Variants in SHISA9 observed in about 807,000 individuals in gnomAD.
SHISA9 encodes shisa family member 9.
SHISA9 carries 13 observed loss-of-function variants against 38.0 expected under a neutral mutation model. The observed-to-expected ratio is 0.34, with a 90% confidence interval of 0.22 to 0.54. The LOEUF (loss-of-function observed/expected upper bound fraction) is 0.54. SHISA9 is among the 20% of genes least tolerant of loss of function. The pLI, the probability that SHISA9 is intolerant of heterozygous loss-of-function variation, is 0.91. For synonymous variants in SHISA9, 275 were observed against 242.0 expected (o/e 1.14, Z -1.27); for missense variants, 538 against 575.8 (o/e 0.93, Z 0.67).
the SHISA9 span, among the ~76,000 whole-genome samples, chr16:13,308,872 G>C: frequency 6.6e-6 from 1 of 152,170 alleles, no homozygotes; most frequent in African/African-American, 2.4e-5. Context: ...TGTGGCACAG[G>C]AGCCTCCATA....
intron 4 of SHISA9, among the ~76,000 whole-genome samples, chr16:13,233,369 G>A (rs1462387243): frequency 2.6e-5 from 4 of 152,124 alleles, no homozygotes; most frequent in Admixed American, 2.0e-4. Flanking sequence ...TAAATTGAGT[G>A]GAAATTGGTA....
intron 2 of SHISA9, among the ~76,000 whole-genome samples, chr16:13,108,996 G>C (rs1458023024): frequency 6.6e-6 from 1 of 152,170 alleles, no homozygotes; most frequent in East Asian, 1.9e-4. Context: ...GATGATTCAG[G>C]GTGGCTGCTT....
chr16:13,403,826 T>G, the SHISA9 span, among the ~76,000 whole-genome samples: 4 of 152,198 alleles, frequency 2.6e-5, no homozygotes, highest in African/African-American at 7.2e-5. Context: ...TGGTACCAGC[T>G]GGCTATGGAT....
rs191869736 is a variant in SHISA9, at chr16:12,980,692, G to A, written c.691+63877G>A. 9.9e-5 allele frequency among the ~76,000 whole-genome samples: 15 copies of A among 150,990 alleles called. No homozygotes were observed. In the East Asian group the frequency reaches 2.3e-3, roughly 24 times the overall value. On this transcript the variant is annotated intron_variant, in intron 2 of 4. Coordinates refer to ENST00000558583, the MANE Select transcript of SHISA9 (RefSeq NM_001145204.3). Reference sequence around the variant, plus strand: ...TTTCTGGGAGTCTTATTATTTTGACGTTAGTGTTTCTCTTCTATACTCCAT... The same window carrying A: ...TTTCTGGGAGTCTTATTATTTTGACATTAGTGTTTCTCTTCTATACTCCAT...
At chr16:13,416,021 A>T in the SHISA9 span, among the ~76,000 whole-genome samples, 6 of 152,190 alleles carry the variant, frequency 3.9e-5, no homozygotes, top group Non-Finnish European at 8.8e-5. Context: ...GGCATTGGTG[A>T]TGCTCTTTTA....
chr16:13,090,483 C>G (rs1438076650), intron 2 of SHISA9, among the ~76,000 whole-genome samples: 1 of 152,164 alleles, frequency 6.6e-6, no homozygotes, highest in Non-Finnish European at 1.5e-5. Context: ...AATCTGGGTG[C>G]TCCTGTATTG....
chr16:13,235,044 G>A lies in SHISA9; in HGVS notation c.910G>A (p.Asp304Asn). 2 of 1,546,326 alleles carry A rather than the reference G, an allele frequency of 1.3e-6. No individual in the cohort carries two copies. Among genetic ancestry groups the A allele is most frequent in the Non-Finnish European group, 1.7e-6 (2 of 1,143,590 alleles). ...CCGATGTGTAGCTGACAAGGTCAATGACGACTTCTACACCAAGCGACGGCA... is the reference window on the plus strand; with the variant it reads ...CCGATGTGTAGCTGACAAGGTCAATAACGACTTCTACACCAAGCGACGGCA... Reference protein sequence around the residue: ...LKSPKADKVNDDFYTKRRHLA... With the variant: ...LKSPKADKVNNDFYTKRRHLA... Residue 304 changes from aspartate (D) to asparagine (N), a missense_variant, in exon 5 of 5, where the codon GAC becomes AAC. This residue lies in a region of SHISA9 where 326 missense variants were observed against 305.9 expected (regional missense o/e 1.07). Transcript: ENST00000558583.
intron 2 of SHISA9, among the ~76,000 whole-genome samples, chr16:12,999,702 T>C (rs2072500732): frequency 6.6e-6 from 1 of 151,986 alleles, no homozygotes; most frequent in Admixed American, 6.6e-5. Flanking sequence ...GGCACCAGGG[T>C]GAGTTTATGG....
At chr16:13,302,972 C>T in the SHISA9 span, among the ~76,000 whole-genome samples, 1 of 152,174 alleles carries the variant, frequency 6.6e-6, no homozygotes, top group Non-Finnish European at 1.5e-5. Context: ...TTTCCTGAGG[C>T]CTCCCCAGCC....
chr16:13,080,684 T>C (rs1157266796), intron 2 of SHISA9, among the ~76,000 whole-genome samples: 1 of 152,236 alleles, frequency 6.6e-6, no homozygotes, highest in Non-Finnish European at 1.5e-5. Context: ...TAGTGAATAA[T>C]GCTTTGCAGT....
the SHISA9 span, among the ~76,000 whole-genome samples, chr16:13,313,254 CA>C: frequency 0.049 from 2,421 of 49,636 alleles, 43 homozygotes; most frequent in African/African-American, 0.14. Context: ...GACTCCGTCT[CA>C]AAAAAAAAAA....
intron 2 of SHISA9, among the ~76,000 whole-genome samples, chr16:13,113,241 C>T (rs764060606): frequency 7.0e-5 from 10 of 143,146 alleles, no homozygotes; most frequent in Non-Finnish European, 1.4e-4. Flanking sequence ...AAATTGAGAA[C>T]ATCTTCCTGG....
At chr16:13,539,345 AG>A in the SHISA9 span, among the ~76,000 whole-genome samples, 3 of 34,452 alleles carry the variant, frequency 8.7e-5, no homozygotes, top group South Asian at 6.7e-3. Context: ...ATATATATAA[AG>A]ATATATATAT....
chr16:13,466,288 T>C, the SHISA9 span, among the ~76,000 whole-genome samples: 3 of 152,216 alleles, frequency 2.0e-5, no homozygotes, highest in Admixed American at 6.5e-5. Flanking sequence ...CTGGCTGGGA[T>C]GATTGATCTG....
the SHISA9 span, among the ~76,000 whole-genome samples, chr16:13,398,648 T>C: frequency 4.6e-5 from 7 of 151,912 alleles, no homozygotes; most frequent in Non-Finnish European, 7.4e-5. Context: ...GTAGCTGGAA[T>C]TACAAGCACC....
the SHISA9 span, among the ~76,000 whole-genome samples, chr16:13,475,995 C>T: frequency 3.9e-5 from 6 of 152,152 alleles, no homozygotes; most frequent in Non-Finnish European, 7.3e-5. Context: ...GCTTTGCTTG[C>T]CCACTGCTCA....
At position 13,107,464 on chromosome 16, in the gene SHISA9, AAAC is replaced by A. The variant is rs775884497; in HGVS notation, c.692-95925_692-95923del. 6.3e-3 allele frequency among the ~76,000 whole-genome samples: 809 copies of A among 128,032 alleles called. 2 individuals carry two copies. Among genetic ancestry groups the A allele is most frequent in the Non-Finnish European group, 9.9e-3 (617 of 62,578 alleles). 84.0% of individuals were successfully genotyped at this position (128,032 alleles called of 152,430 possible). A position where few individuals can be genotyped will look rare whatever the true frequency, so the allele number is the denominator to read the frequency against. Reference sequence around the variant, plus strand: ...AAAACAAACAAACAAACAAACAAAAAAACAACAGACACACACACACACACACAC... The same window carrying A: ...AAAACAAACAAACAAACAAACAAAAAAACAGACACACACACACACACACAC... On this transcript the variant is annotated intron_variant, in intron 2 of 4. Coordinates refer to ENST00000558583, the MANE Select transcript of SHISA9 (RefSeq NM_001145204.3).
chr16:13,309,198 T>A, the SHISA9 span, among the ~76,000 whole-genome samples: 1 of 152,006 alleles, frequency 6.6e-6, no homozygotes, highest in Non-Finnish European at 1.5e-5. Context: ...CAGGGGGTAA[T>A]GTTGGGGCTA....
chr16:13,512,074 G>A, the SHISA9 span, among the ~76,000 whole-genome samples: 1 of 152,076 alleles, frequency 6.6e-6, no homozygotes, highest in Non-Finnish European at 1.5e-5. Context: ...GGCCTGCTCT[G>A]GTCTCCATAA....
Sources: allele counts gnomAD v4.1 joint callset (sites outside exome capture counted in the v4.1 genomes callset), GRCh38; gene constraint gnomAD v4.1.1; regional missense constraint gnomAD v4.1.1; transcripts MANE v1.5; gene names NCBI Gene and HGNC (gene_info 2026-07-23, HGNC 2026-07-21).